ART4: variants seen among roughly 807,000 people sequenced by gnomAD.
The protein encoded by ART4 is ADP-ribosyltransferase 4 (inactive) (Dombrock blood group).
A neutral mutation model predicts 24.2 loss-of-function variants in ART4; 14 were observed. The observed-to-expected ratio is 0.58, with a 90% CI of 0.38 to 0.90. The LOEUF is 0.90. ART4 is among the 40% of genes least tolerant of loss of function. The probability of loss-of-function intolerance (pLI) is 0.00; values close to 1 mark genes in which losing one functional copy is unlikely to be tolerated. For synonymous variants in ART4, 145 were observed against 139.9 expected (o/e 1.04, Z -0.26); for missense variants, 356 against 366.6 (o/e 0.97, Z 0.24).
rs2137295250 is a variant in ART4, at chr12:14,827,458, G to A, written c.*1913C>T. On this transcript the variant is annotated 3_prime_UTR_variant, in exon 3 of 3. Coordinates refer to ENST00000228936, the MANE Select transcript of ART4 (RefSeq NM_021071.4). ...ACTCTGTTGCCCAGGCTGGAGTGCA[G>A]TGGTGTGAACTTGGCTCACTGCACT... 1.3e-5 allele frequency: 2 copies of A among 152,370 alleles called. No homozygotes were observed. The highest frequency in any genetic ancestry group is 2.9e-5 in the Non-Finnish European group (2 of 68,106). 9.4% of individuals were successfully genotyped at this position (152,370 alleles called of 1,614,324 possible).
intron 2 of ART4, among the ~76,000 whole-genome samples, chr12:14,837,383 A>G (rs1950437839): frequency 6.6e-6 from 1 of 152,214 alleles, no homozygotes; most frequent in Admixed American, 6.5e-5. Context: ...GCTTAGAGGT[A>G]TATTCACCAT....
At position 14,840,545 on chromosome 12, in the gene ART4, C is replaced by G. The variant is rs1399143035; in HGVS notation, c.753G>C (p.Glu251Asp). 6.2e-7 allele frequency: 1 copy of G among 1,614,010 alleles called. No homozygotes were observed. Among genetic ancestry groups the G allele is most frequent in the Admixed American group, 1.7e-5 (1 of 59,990 alleles). ...AGCTCATATTTATAACTTTAAACAG[C>G]TCATAGGGAGGGATCAAGACTTCCT... ...LKKEVLIPPY[E>D]LFKVINMSYH... The change falls in exon 2 of 3, where the codon GAG (glutamate) becomes GAC (aspartate). Residue 251 changes from glutamate to aspartate, a missense_variant. Coordinates refer to ENST00000228936, the MANE Select transcript of ART4 (RefSeq NM_021071.4).
chr12:14,833,628 C>T (rs772380764), intron 2 of ART4, among the ~76,000 whole-genome samples: 1 of 152,102 alleles, frequency 6.6e-6, no homozygotes, highest in African/African-American at 2.4e-5. Context: ...GTATTATAAC[C>T]TGATTTTGGT....
intron 2 of ART4, 140 bp from the exon 3 acceptor site, chr12:14,829,602 T>G: frequency 1.7e-6 from 1 of 599,734 alleles, no homozygotes; most frequent in Non-Finnish European, 2.8e-6. Flanking sequence ...AACACATTAT[T>G]TTAGATTTTT....
intron 2 of ART4, among the ~76,000 whole-genome samples, chr12:14,838,300 A>G (rs1950443809): frequency 6.6e-6 from 1 of 152,180 alleles, no homozygotes; most frequent in South Asian, 2.1e-4. Flanking sequence ...AATGGTTTAT[A>G]TTATATACTC....
At chr12:14,830,399 G>T (rs56294835) in intron 2 of ART4, among the ~76,000 whole-genome samples, 51 of 151,438 alleles carry the variant, frequency 3.4e-4, no homozygotes, top group African/African-American at 1.1e-3. Flanking sequence ...GATGTTTCTG[G>T]GAGGAAGAGA....
At chr12:14,829,872 C>A (rs1166589068) in intron 2 of ART4, among the ~76,000 whole-genome samples, 1 of 152,202 alleles carries the variant, frequency 6.6e-6, no homozygotes, top group African/African-American at 2.4e-5. Context: ...TTAAGCCTCA[C>A]AACAAACCTA....
intron 2 of ART4, among the ~76,000 whole-genome samples, chr12:14,836,760 CCTT>C (rs776038018): frequency 3.9e-5 from 6 of 152,174 alleles, no homozygotes; most frequent in Non-Finnish European, 7.3e-5. Flanking sequence ...TTATTCCTCT[CCTT>C]CTTTTACCTT....
At chr12:14,833,007 AT>A (rs1019806961) in intron 2 of ART4, among the ~76,000 whole-genome samples, 3 of 151,734 alleles carry the variant, frequency 2.0e-5, no homozygotes, top group Non-Finnish European at 4.4e-5. Context: ...GATACCTCAC[AT>A]TTTTTTTACT....
rs2137295805 is a variant in ART4, at chr12:14,828,314, A to T, written c.*1057T>A. 6.6e-6 allele frequency: 1 copy of T among 152,312 alleles called. No individual in the cohort carries two copies. The highest frequency in any genetic ancestry group is 2.1e-4 in the South Asian group (1 of 4,826). The allele number at this position is 152,312 out of a possible 1,614,324, so 9.4% of individuals were successfully genotyped here. ...TAAATTTGCCATCAAGTTCTCTATG[A>T]ATTAACATATGAGTTTAAATTTTAA... On this transcript the variant is annotated 3_prime_UTR_variant, in exon 3 of 3. Coordinates refer to ENST00000228936, the MANE Select transcript of ART4 (RefSeq NM_021071.4).
intron 2 of ART4, among the ~76,000 whole-genome samples, chr12:14,834,078 A>G (rs921819350): frequency 1.3e-5 from 2 of 152,192 alleles, no homozygotes; most frequent in Non-Finnish European, 1.5e-5. Context: ...TTCCCACAAG[A>G]TGAGTATCAC....
chr12:14,835,999 A>G (rs2137301247), intron 2 of ART4, among the ~76,000 whole-genome samples: 1 of 152,286 alleles, frequency 6.6e-6, no homozygotes, highest in South Asian at 2.1e-4. Flanking sequence ...GATACATTCC[A>G]AGACATTCAG....
At chr12:14,839,689 A>G (rs907811532) in intron 2 of ART4, among the ~76,000 whole-genome samples, 5 of 152,254 alleles carry the variant, frequency 3.3e-5, no homozygotes, top group African/African-American at 9.6e-5. Flanking sequence ...AGCCCATTTC[A>G]TACCACTGTT....
chr12:14,830,912 G>A (rs1950392536), intron 2 of ART4, among the ~76,000 whole-genome samples: 1 of 151,254 alleles, frequency 6.6e-6, no homozygotes, highest in African/African-American at 2.4e-5. Flanking sequence ...TACCACTTTA[G>A]CAGGTCAATC....
At chr12:14,838,214 A>G (rs542759857) in intron 2 of ART4, among the ~76,000 whole-genome samples, 16 of 152,232 alleles carry the variant, frequency 1.1e-4, no homozygotes, top group Non-Finnish European at 1.9e-4. Flanking sequence ...GCCATAGGAA[A>G]GCAAAGATCA....
rs576201987 is a variant in ART4, at chr12:14,835,460, G to T, written c.853+4985C>A. ...CAGTCCAATACTGCTCCAGAATGTT[G>T]GGGTAAGTACTACTTATCAGTTAAA... On this transcript the variant is annotated intron_variant, in intron 2 of 2. Transcript: ENST00000228936. 2.6e-5 allele frequency among the ~76,000 whole-genome samples: 4 copies of T among 152,200 alleles called. No homozygotes were observed. In the South Asian group the frequency reaches 8.3e-4, roughly 32 times the overall value.
chr12:14,835,989 G>T (rs1950428262), intron 2 of ART4, among the ~76,000 whole-genome samples: 1 of 151,978 alleles, frequency 6.6e-6, no homozygotes, highest in Non-Finnish European at 1.5e-5. Context: ...ATCCTTAGTG[G>T]ATACATTCCA....
In ART4 at chr12:14,828,188, C is replaced by G. The variant is rs973840756; in HGVS notation, c.*1183G>C. On this transcript the variant is annotated 3_prime_UTR_variant, in exon 3 of 3. Coordinates refer to ENST00000228936, the MANE Select transcript of ART4 (RefSeq NM_021071.4). The stretch of plus-strand genomic sequence containing the variant: ...CATGTAATGAGACCTCGCTATATTG[C>G]TGATATTTGTTTGTAATCAGTGTTT... 7 of 152,168 alleles carry G rather than the reference C, an allele frequency of 4.6e-5. No homozygotes were observed. The highest frequency in any genetic ancestry group is 1.0e-4 in the Non-Finnish European group (7 of 68,030). 9.4% of individuals were successfully genotyped at this position (152,168 alleles called of 1,614,324 possible).
Position 14,828,622 on chromosome 12 carries a change from T to C in ART4, c.*749A>G, listed in dbSNP as rs370893357. On this transcript the variant is annotated 3_prime_UTR_variant, in exon 3 of 3. Transcript: ENST00000228936. Reference sequence around the variant, plus strand: ...TTGTTCCTATTTAGAATAACTAAATTAAAAAAAATAAGGAAGAGTGCTTGT... The same window carrying C: ...TTGTTCCTATTTAGAATAACTAAATCAAAAAAAATAAGGAAGAGTGCTTGT... 1 of 151,706 alleles carries C rather than the reference T, an allele frequency of 6.6e-6. No homozygotes were observed. Among genetic ancestry groups the C allele is most frequent in the African/African-American group, 2.4e-5 (1 of 41,258 alleles). The allele number at this position is 151,706 out of a possible 1,614,324, so 9.4% of individuals were successfully genotyped here. A position where few individuals can be genotyped will look rare whatever the true frequency, so the allele number is the denominator to read the frequency against.
Sources: allele counts gnomAD v4.1 joint callset (sites outside exome capture counted in the v4.1 genomes callset), GRCh38; gene constraint gnomAD v4.1.1; transcripts MANE v1.5; gene names NCBI Gene and HGNC (gene_info 2026-07-23, HGNC 2026-07-21).